C1QTNF7: variants seen among roughly 807,000 people sequenced by gnomAD.
C1QTNF7 encodes the protein C1q and TNF related 7.
A neutral mutation model predicts 19.6 loss-of-function variants in C1QTNF7; 15 were observed. The observed-to-expected ratio is 0.76, with a 90% CI of 0.51 to 1.18. The LOEUF is 1.18. C1QTNF7 is among the 50% of genes most tolerant of loss of function. The probability of loss-of-function intolerance (pLI) is 0.00; values close to 1 mark genes in which losing one functional copy is unlikely to be tolerated. For synonymous variants in C1QTNF7, 142 were observed against 137.5 expected, an observed-to-expected ratio of 1.03 and a Z score of -0.23; for missense variants, 324 against 359.7, an observed-to-expected ratio of 0.90 and a Z score of 0.80.
intron 1 of C1QTNF7, among the ~76,000 whole-genome samples, chr4:15,386,481 A>T (rs1420900962): frequency 6.6e-6 from 1 of 151,630 alleles, no homozygotes; most frequent in Admixed American, 6.6e-5. Flanking sequence ...CTTATATTTT[A>T]TGGGGAAGAC....
At chr4:15,389,620 TGTTG>T (rs1718479350) in intron 1 of C1QTNF7, among the ~76,000 whole-genome samples, 1 of 152,124 alleles carries the variant, frequency 6.6e-6, no homozygotes, top group Non-Finnish European at 1.5e-5. Context: ...GGTTTCACCA[TGTTG>T]GTCAGGCTGG....
chr4:15,392,433 C>T (rs912179603), intron 1 of C1QTNF7, among the ~76,000 whole-genome samples: 2 of 152,194 alleles, frequency 1.3e-5, no homozygotes, highest in Non-Finnish European at 2.9e-5. Context: ...TCACCCCAAG[C>T]CCGGTGCCCC....
intron 1 of C1QTNF7, among the ~76,000 whole-genome samples, chr4:15,376,796 A>T (rs1270179534): frequency 6.6e-6 from 1 of 152,196 alleles, no homozygotes; most frequent in African/African-American, 2.4e-5. Flanking sequence ...TTCTAAATAA[A>T]CATTATTGAC....
intron 1 of C1QTNF7, 88 bp from the exon 2 acceptor site, chr4:15,435,648 A>G (rs1712499121): frequency 6.5e-7 from 1 of 1,544,082 alleles, no homozygotes; most frequent in South Asian, 1.2e-5. Context: ...GCAAATGCAC[A>G]TTCTCTTGTT....
rs368344792 is a variant in C1QTNF7 at position 15,355,173 on chromosome 4, A to G, written c.13+14966A>G. Among the ~76,000 whole-genome samples the G allele has an allele frequency of 1.9e-3, 290 of 152,232 alleles. 1 individual carries two copies. Among genetic ancestry groups the G allele is most frequent in the Middle Eastern group, 3.4e-3 (1 of 294 alleles). ...CAGCACATGACAGCATCTTACCCAA[A>G]GTAAGGAGTTGACACAGCAGTGAGC... is the stretch of plus-strand genomic sequence containing the variant. On this transcript the variant is annotated intron_variant, in intron 1 of 2. Transcript: ENST00000295297.
chr4:15,372,860 C>T (rs868432150), intron 1 of C1QTNF7, among the ~76,000 whole-genome samples: 18 of 152,016 alleles, frequency 1.2e-4, no homozygotes, highest in Admixed American at 8.5e-4. Context: ...CCAATAGCAG[C>T]AAGCATGGGA....
intron 1 of C1QTNF7, among the ~76,000 whole-genome samples, chr4:15,377,963 T>A (rs911556903): frequency 6.6e-6 from 1 of 152,176 alleles, no homozygotes; most frequent in Non-Finnish European, 1.5e-5. Context: ...AAACATTATT[T>A]TAGATATAAT....
intron 1 of C1QTNF7, among the ~76,000 whole-genome samples, chr4:15,432,853 C>T (rs947736814): frequency 5.2e-4 from 79 of 152,332 alleles, no homozygotes; most frequent in Non-Finnish European, 1.0e-3. Flanking sequence ...ATGAATAAAT[C>T]TGTTTACATT....
intron 1 of C1QTNF7, chr4:15,340,347 C>G: frequency 1.8e-6 from 2 of 1,142,658 alleles, no homozygotes; most frequent in East Asian, 5.1e-5. Flanking sequence ...AATGATAAAT[C>G]AGAGGTTAGA....
At chr4:15,430,029 A>G (rs1467637530) in intron 1 of C1QTNF7, among the ~76,000 whole-genome samples, 2 of 152,220 alleles carry the variant, frequency 1.3e-5, no homozygotes, top group East Asian at 1.9e-4. Flanking sequence ...TGAGTTAATC[A>G]GTATTTCTCC....
At chr4:15,418,857 GA>G (rs771877675) in intron 1 of C1QTNF7, among the ~76,000 whole-genome samples, 13 of 152,190 alleles carry the variant, frequency 8.5e-5, no homozygotes, top group Non-Finnish European at 1.8e-4. Context: ...CCTCAGCACA[GA>G]GTCTGCCCAG....
intron 1 of C1QTNF7, among the ~76,000 whole-genome samples, chr4:15,377,854 C>A (rs747890747): frequency 6.6e-6 from 1 of 152,154 alleles, no homozygotes; most frequent in Non-Finnish European, 1.5e-5. Context: ...AACTTAGCAC[C>A]GCAACTAGCA....
chr4:15,384,120 T>C (rs934459783), intron 1 of C1QTNF7, among the ~76,000 whole-genome samples: 1 of 152,130 alleles, frequency 6.6e-6, no homozygotes, highest in African/African-American at 2.4e-5. Context: ...TTTGAATAAA[T>C]TGGGGATAGT....
intron 1 of C1QTNF7, chr4:15,374,496 G>A (rs1483962186): frequency 7.8e-6 from 7 of 899,098 alleles, no homozygotes; most frequent in Non-Finnish European, 9.3e-6. Context: ...TAATGTCGAC[G>A]TCTTCTTTCG....
At chr4:15,430,365 G>A (rs779023444) in intron 1 of C1QTNF7, among the ~76,000 whole-genome samples, 31 of 152,208 alleles carry the variant, frequency 2.0e-4, no homozygotes, top group Non-Finnish European at 3.2e-4. Flanking sequence ...TGGGCAGATC[G>A]CTTGAGTTTA....
chr4:15,415,698 C>T (rs931344418), intron 1 of C1QTNF7, among the ~76,000 whole-genome samples: 1 of 151,738 alleles, frequency 6.6e-6, no homozygotes, highest in South Asian at 2.1e-4. Flanking sequence ...CTCAAGCGAT[C>T]CTCCCACTCT....
intron 1 of C1QTNF7, among the ~76,000 whole-genome samples, chr4:15,415,475 G>T (rs1487608090): frequency 1.3e-5 from 2 of 152,034 alleles, no homozygotes; most frequent in African/African-American, 4.8e-5. Context: ...AAGACCAAAG[G>T]AATATGCTTA....
intron 1 of C1QTNF7, among the ~76,000 whole-genome samples, chr4:15,413,433 C>T (rs764897806): frequency 5.5e-4 from 83 of 152,186 alleles, no homozygotes; most frequent in Non-Finnish European, 9.7e-4. Flanking sequence ...CCACTTGCAA[C>T]ATGGATGAGA....
At chr4:15,418,617 A>G (rs562057558) in intron 1 of C1QTNF7, among the ~76,000 whole-genome samples, 3 of 152,198 alleles carry the variant, frequency 2.0e-5, no homozygotes, top group African/African-American at 4.8e-5. Flanking sequence ...CACTCTTTTC[A>G]ATCTCTTTCA....
Sources: allele counts gnomAD v4.1 joint callset (sites outside exome capture counted in the v4.1 genomes callset), GRCh38; gene constraint gnomAD v4.1.1; transcripts MANE v1.5; gene names NCBI Gene and HGNC (gene_info 2026-07-23, HGNC 2026-07-21).